Variants in ATP9B observed in about 807,000 individuals in gnomAD.
ATP9B encodes ATPase phospholipid transporting 9B.
ATP9B carries 110 observed loss-of-function variants against 146.1 expected under a neutral mutation model. The observed-to-expected ratio is 0.75, with a 90% confidence interval of 0.65 to 0.88. ATP9B has a LOEUF of 0.88. ATP9B is among the 40% of genes least tolerant of loss of function. The pLI, the probability that ATP9B is intolerant of heterozygous loss-of-function variation, is 0.00. For missense variants in ATP9B, 1,499 were observed against 1,496.4 expected (o/e 1.00, Z -0.03); for synonymous variants, 604 against 569.7 (o/e 1.06, Z -0.86).
chr18:79,348,024 C>T lies in ATP9B; in HGVS notation c.2838+99C>T, dbSNP rs932334025. ...CGGGAGTGGGGGTGCTGAGTGCTGC[C>T]GGAAGTACCTGGGCTGTGCTTAGGA... On this transcript the variant is annotated intron_variant, in intron 24 of 29. Transcript: ENST00000426216. 31 of 1,600,106 alleles carry T rather than the reference C, an allele frequency of 1.9e-5. No individual in the cohort carries two copies. The African/African-American group carries it at 2.5e-4, about 13-fold the overall frequency.
At chr18:79,308,441 C>G (rs1305717046) in intron 15 of ATP9B, among the ~76,000 whole-genome samples, 4 of 152,226 alleles carry the variant, frequency 2.6e-5, no homozygotes, top group Non-Finnish European at 5.9e-5. Flanking sequence ...TGTTCGCACA[C>G]ATGGAGCATC....
intron 17 of ATP9B, among the ~76,000 whole-genome samples, chr18:79,330,313 T>C (rs1051777930): frequency 6.6e-6 from 1 of 152,208 alleles, no homozygotes; most frequent in African/African-American, 2.4e-5. Context: ...ACCACATAGG[T>C]TGTCAAACAC....
intron 19 of ATP9B, among the ~76,000 whole-genome samples, chr18:79,340,612 A>G (rs950873501): frequency 3.3e-5 from 5 of 152,228 alleles, no homozygotes; most frequent in Non-Finnish European, 7.3e-5. Flanking sequence ...AAGAAATCTG[A>G]GAAATTCAGC....
At chr18:79,289,894 C>G (rs2096484330) in intron 13 of ATP9B, among the ~76,000 whole-genome samples, 1 of 152,206 alleles carries the variant, frequency 6.6e-6, no homozygotes, top group South Asian at 2.1e-4. Flanking sequence ...CCCTGTTTGT[C>G]TGGGTATTAG....
chr18:79,337,547 TG>T, intron 19 of ATP9B, 98 bp downstream of exon 19: 1 of 1,477,818 alleles, frequency 6.8e-7, no homozygotes. Flanking sequence ...TGTGGGGTCA[TG>T]GATGTGAGAG....
intron 15 of ATP9B, among the ~76,000 whole-genome samples, chr18:79,312,171 A>G (rs1459165460): frequency 6.6e-6 from 1 of 152,076 alleles, no homozygotes; most frequent in East Asian, 1.9e-4. Context: ...CTTGGGTTCA[A>G]CCAGTGCCCC....
At chr18:79,352,810 T>C (rs2096929528) in intron 25 of ATP9B, 1 of 152,234 alleles carries the variant, frequency 6.6e-6, no homozygotes, top group African/African-American at 2.4e-5. Flanking sequence ...AACATCGTGA[T>C]GCATGGAGAA....
At chr18:79,173,689 G>A (rs72996103) in intron 7 of ATP9B, 5,520 of 455,900 alleles carry the variant, frequency 0.012, 43 homozygotes, top group Middle Eastern at 0.041. Context: ...CTGTGTTTCT[G>A]TTCCTTCTTC....
chr18:79,210,962 T>C (rs1234985621), intron 10 of ATP9B, among the ~76,000 whole-genome samples: 28 of 152,272 alleles, frequency 1.8e-4, no homozygotes, highest in Admixed American at 1.6e-3. Flanking sequence ...TTAATTGTTT[T>C]GTTAAAGTGG....
At chr18:79,085,657 C>T (rs2046300711) in intron 1 of ATP9B, 1 of 152,122 alleles carries the variant, frequency 6.6e-6, no homozygotes, top group Non-Finnish European at 1.5e-5. Context: ...CTTATCTTTG[C>T]AGTTGAATGA....
chr18:79,340,157 C>T lies in ATP9B; in HGVS notation c.2284-2111C>T, dbSNP rs2096850714. 2.0e-5 allele frequency: 3 copies of T among 152,198 alleles called. No homozygotes were observed. In the South Asian group the frequency reaches 6.2e-4, roughly 31 times the overall value. The allele number at this position is 152,198 out of a possible 1,614,324, so 9.4% of individuals were successfully genotyped here. A position where few individuals can be genotyped will look rare whatever the true frequency, so the allele number is the denominator to read the frequency against. ...TGTAACTTTTTAGTGAACTTCACCT[C>T]AGTCTACTTCCTACTTTATATGTGC... On this transcript the variant is annotated intron_variant, in intron 19 of 29. Transcript: ENST00000426216.
intron 22 of ATP9B, 96 bp from the exon 23 acceptor site, chr18:79,345,679 C>T: frequency 1.9e-6 from 3 of 1,600,544 alleles, no homozygotes; most frequent in Non-Finnish European, 2.6e-6. Flanking sequence ...ATTTCATCTC[C>T]ATTCATGGAA....
chr18:79,143,235 C>T (rs112541707), intron 5 of ATP9B, among the ~76,000 whole-genome samples: 3 of 152,156 alleles, frequency 2.0e-5, no homozygotes, highest in Admixed American at 6.5e-5. Flanking sequence ...ACTTTGTCAA[C>T]GACTATTCTA....
intron 8 of ATP9B, among the ~76,000 whole-genome samples, chr18:79,189,494 TTTAACTG>T (rs1358812074): frequency 6.6e-6 from 1 of 152,150 alleles, no homozygotes; most frequent in Non-Finnish European, 1.5e-5. Context: ...TCCCCCCAAA[TTTAACTG>T]TTAATAGCCT....
chr18:79,165,103 C>T (rs1302282708), intron 7 of ATP9B, among the ~76,000 whole-genome samples: 1 of 152,198 alleles, frequency 6.6e-6, no homozygotes, highest in Non-Finnish European at 1.5e-5. Context: ...GACAGGCTTT[C>T]ACGTATTTTC....
intron 15 of ATP9B, among the ~76,000 whole-genome samples, chr18:79,308,784 G>A (rs1184147691): frequency 9.5e-6 from 1 of 105,504 alleles, no homozygotes; most frequent in Non-Finnish European, 1.9e-5. Flanking sequence ...GTCAGGGGCT[G>A]AGGAGTGATC....
chr18:79,146,054 GTGAC>G (rs1181465675), intron 6 of ATP9B: 2 of 102,564 alleles, frequency 1.9e-5, no homozygotes, highest in Non-Finnish European at 3.6e-5. Flanking sequence ...GGTGTGCAGA[GTGAC>G]TGAAGGTGCG....
intron 4 of ATP9B, among the ~76,000 whole-genome samples, chr18:79,123,804 A>C (rs964306317): frequency 1.3e-5 from 2 of 152,202 alleles, no homozygotes; most frequent in African/African-American, 4.8e-5. Flanking sequence ...GCACCAAAAT[A>C]GTAACTTTTA....
intron 8 of ATP9B, among the ~76,000 whole-genome samples, chr18:79,178,008 C>G (rs2095200948): frequency 1.3e-5 from 2 of 152,182 alleles, no homozygotes; most frequent in African/African-American, 2.4e-5. Flanking sequence ...TTCTACTGGA[C>G]CAACAGATGA....
Sources: allele counts gnomAD v4.1 joint callset (sites outside exome capture counted in the v4.1 genomes callset), GRCh38; gene constraint gnomAD v4.1.1; transcripts MANE v1.5; gene names NCBI Gene and HGNC (gene_info 2026-07-23, HGNC 2026-07-21).